Variants in PARP14 observed in about 807,000 individuals in gnomAD.
The protein encoded by PARP14 is protein mono-ADP-ribosyltransferase PARP14.
PARP14 carries 59 observed loss-of-function variants against 154.2 expected under a neutral mutation model. The observed-to-expected ratio is 0.38, with a 90% CI of 0.31 to 0.48. The LOEUF (loss-of-function observed/expected upper bound fraction) is 0.48. Among genes scored for constraint, PARP14 ranks in the 20% least tolerant of loss-of-function variants. PARP14 has a pLI of 0.98. For missense variants in PARP14, 1,734 were observed against 2,131.6 expected, an observed-to-expected ratio of 0.81 and a Z score of 3.67; for synonymous variants, 720 against 780.5, an observed-to-expected ratio of 0.92 and a Z score of 1.29.
rs755568009 is a variant in PARP14, at chr3:122,700,255, T to C, written c.1701T>C (p.Leu567=). The part of the protein sequence containing the change: ...CLFIAQKILA[L]YELEGTTVLL... ...TCATAGCACAGAAGATTCTTGCACT[T>C]TATGAGCTAGAGGGTACAACTGTTC... The change falls in exon 6 of 17, where the codon CTT becomes CTC. Residue 567 remains leucine, a synonymous_variant. Coordinates refer to ENST00000474629, the MANE Select transcript of PARP14 (RefSeq NM_017554.3). The C allele has an allele frequency of 3.7e-6, 6 of 1,612,842 alleles. No homozygotes were observed. Among genetic ancestry groups the C allele is most frequent in the Admixed American group, 1.7e-5 (1 of 59,844 alleles).
At chr3:122,684,001 A>C (rs1938295019) in intron 1 of PARP14, among the ~76,000 whole-genome samples, 1 of 152,138 alleles carries the variant, frequency 6.6e-6, no homozygotes, top group African/African-American at 2.4e-5. Context: ...CCCTCCTCAT[A>C]AAGAGTGAGA....
Position 122,687,080 on chromosome 3 carries a change from G to T in PARP14, c.322G>T (p.Glu108Ter). The change falls in exon 3 of 17, where the codon GAA (glutamate) becomes TAA (stop). Residue 108 changes from glutamate to a stop codon, truncating the protein, a stop_gained and splice_region_variant. Transcript: ENST00000474629. LOFTEE classifies it high-confidence loss of function. Reference sequence around the variant, plus strand: ...TGCTACTTTATTGTTTGTGTTTCAGGAATCCAAGACCAAAGAAGATGTTAA... The same window carrying T: ...TGCTACTTTATTGTTTGTGTTTCAGTAATCCAAGACCAAAGAAGATGTTAA... ...HVFEEELLTK[E>*]SKTKEDVKEP... 1 of 1,586,324 alleles carries T rather than the reference G, an allele frequency of 6.3e-7. No homozygotes were observed. The highest frequency in any genetic ancestry group is 8.6e-7 in the Non-Finnish European group (1 of 1,161,372).
intron 8 of PARP14, among the ~76,000 whole-genome samples, chr3:122,707,045 G>T (rs1939177679): frequency 6.6e-6 from 1 of 152,154 alleles, no homozygotes; most frequent in African/African-American, 2.4e-5. Context: ...GTTCATTGTA[G>T]AAACTTTGAA....
In PARP14 at chr3:122,718,705, T is replaced by C. The variant is rs369715167; in HGVS notation, c.4554T>C (p.Val1518=). ...AAATTGAGGCGATGATCAAGAGAGT[T>C]CGATTGGCCAAAGAACAGGAATCCC... ...RDEIEAMIKR[V]RLAKEQESRA... is the part of the protein sequence containing the mutation. The change falls in exon 14 of 17, where the codon GTT becomes GTC. Residue 1518 remains valine, a synonymous_variant. Coordinates refer to ENST00000474629, the MANE Select transcript of PARP14 (RefSeq NM_017554.3). 4 of 1,613,532 alleles carry C rather than the reference T, an allele frequency of 2.5e-6. No individual in the cohort carries two copies. In the African/African-American group the frequency reaches 5.3e-5, roughly 22 times the overall value.
chr3:122,717,175 C>G (rs1329468908), intron 12 of PARP14, among the ~76,000 whole-genome samples: 22 of 152,208 alleles, frequency 1.4e-4, no homozygotes. Flanking sequence ...TCAAAGAAGC[C>G]TACTCTTCTT....
intron 5 of PARP14, among the ~76,000 whole-genome samples, chr3:122,698,438 G>A (rs1365740496): frequency 1.3e-5 from 2 of 152,186 alleles, no homozygotes; most frequent in East Asian, 1.9e-4. Flanking sequence ...GTGGAAAAGG[G>A]AGATTCCAGC....
chr3:122,685,749 C>T (rs1305005208), intron 2 of PARP14, among the ~76,000 whole-genome samples: 1 of 151,990 alleles, frequency 6.6e-6, no homozygotes, highest in Non-Finnish European at 1.5e-5. Flanking sequence ...ACCTCATGAT[C>T]GGCCCACCTA....
At position 122,701,129 on chromosome 3, in the gene PARP14, C is replaced by T. The variant is rs1938956968; in HGVS notation, c.2575C>T (p.Leu859Phe). The T allele has an allele frequency of 1.2e-6, 2 of 1,613,862 alleles. No individual in the cohort carries two copies. The highest frequency in any genetic ancestry group is 1.7e-5 in the Admixed American group (1 of 60,004). Residue 859 changes from leucine to phenylalanine, a missense_variant, in exon 6 of 17, where the codon CTC becomes TTC. This residue lies in a region of PARP14 where 1,646 missense variants were observed against 1,976.0 expected (regional missense o/e 0.83). Transcript: ENST00000474629. The surrounding 1 kb of genome is among the most constrained non-coding windows in gnomAD (Gnocchi z 4.0). The stretch of plus-strand genomic sequence containing the variant: ...CCAGATAGTGAAGAGAGAGGGCAGA[C>T]TCCTACCGGGCAATGCCACCATCTC... ...CDQIVKREGR[L>F]LPGNATISKA... is the part of the protein sequence containing the mutation.
intron 15 of PARP14, chr3:122,721,114 A>T: frequency 3.0e-6 from 1 of 330,508 alleles, no homozygotes; most frequent in Non-Finnish European, 5.9e-6. Context: ...CCAAACCCCT[A>T]ATTCTAGCTT....
At chr3:122,684,228 C>A (rs554331587) in intron 1 of PARP14, among the ~76,000 whole-genome samples, 2 of 152,330 alleles carry the variant, frequency 1.3e-5, no homozygotes, top group African/African-American at 4.8e-5. Flanking sequence ...TAGAGCTACA[C>A]CTGTGACCTG....
intron 4 of PARP14, 70 bp downstream of exon 4, chr3:122,692,613 G>A (rs1938577684): frequency 3.8e-6 from 5 of 1,303,996 alleles, no homozygotes; most frequent in African/African-American, 1.5e-5. Flanking sequence ...ATACCTCTTA[G>A]GGGGACATCT....
chr3:122,691,016 C>A (rs1276746551), intron 3 of PARP14, among the ~76,000 whole-genome samples: 1 of 152,130 alleles, frequency 6.6e-6, no homozygotes, highest in Non-Finnish European at 1.5e-5. Context: ...TTGGCCAGGC[C>A]TGAAGGTGGA....
Position 122,718,654 on chromosome 3 carries a change from CA to C in PARP14, c.4504del (p.Arg1502GlufsTer3). 6.2e-7 allele frequency: 1 copy of C among 1,613,812 alleles called. No homozygotes were observed. Among genetic ancestry groups the C allele is most frequent in the Non-Finnish European group, 8.5e-7 (1 of 1,179,804 alleles). On this transcript the variant is annotated frameshift_variant, in exon 14 of 17. Coordinates refer to ENST00000474629, the MANE Select transcript of PARP14 (RefSeq NM_017554.3). LOFTEE classifies it high-confidence loss of function. ...RPLIKVLGIS[R>X]DVMQARDEIE... ...CTTTGATTAAGGTTTTGGGAATTAGCAGAGATGTGATGCAGGCTAGAGATGA... is the reference window on the plus strand; with the variant it reads ...CTTTGATTAAGGTTTTGGGAATTAGCGAGATGTGATGCAGGCTAGAGATGA...
chr3:122,692,635 A>C, intron 4 of PARP14, 92 bp downstream of exon 4: 2 of 1,114,502 alleles, frequency 1.8e-6, no homozygotes, highest in East Asian at 2.5e-5. Context: ...TGAAAGTTTG[A>C]CTCTTTCTAG....
chr3:122,689,066 G>A lies in PARP14; in HGVS notation c.355+1953G>A, dbSNP rs75115064. Among the ~76,000 whole-genome samples, 1,485 of 152,238 alleles carry A rather than the reference G, an allele frequency of 9.8e-3. 24 individuals are homozygous for A. The highest frequency in any genetic ancestry group is 0.034 in the African/African-American group (1,427 of 41,530). On this transcript the variant is annotated intron_variant, in intron 3 of 16. Transcript: ENST00000474629. ...AGAGAAATACTGCTTACCTGTGGTC[G>A]GAAATTCTGGTGTTTTCAAATCCAT... is the stretch of plus-strand genomic sequence containing the variant.
At chr3:122,709,413 C>T (rs970344551) in intron 9 of PARP14, among the ~76,000 whole-genome samples, 2 of 152,108 alleles carry the variant, frequency 1.3e-5, no homozygotes, top group Non-Finnish European at 2.9e-5. Context: ...AAGAGTATTC[C>T]ATAGTGTATA....
rs77413127 is a variant in PARP14, at chr3:122,683,376, C to T, written c.188-1809C>T. ...AGGCAGATAACAAGAATGAGCCCAC[C>T]AGCACTTCTCCGTATTTATTCATGT... is the stretch of plus-strand genomic sequence containing the variant. On this transcript the variant is annotated intron_variant, in intron 1 of 16. Transcript: ENST00000474629. 7.8e-3 allele frequency: 4,469 copies of T among 570,782 alleles called. 184 individuals are homozygous for T. The African/African-American group carries it at 0.085, about 11-fold the overall frequency. The allele number at this position is 570,782 out of a possible 1,614,324, so 35.4% of individuals were successfully genotyped here.
At chr3:122,714,204 A>G in intron 11 of PARP14, 58 bp from the exon 12 acceptor site, 1 of 1,444,186 alleles carries the variant, frequency 6.9e-7, no homozygotes, top group Non-Finnish European at 9.3e-7. Flanking sequence ...TTTGCTTTCT[A>G]AACAAATGAC....
chr3:122,719,505 C>T (rs889858005), intron 14 of PARP14, among the ~76,000 whole-genome samples: 14 of 152,304 alleles, frequency 9.2e-5, no homozygotes, highest in African/African-American at 3.4e-4. Context: ...GATTCTCTGA[C>T]CAGACCTACT....
Sources: gnomAD v4.1 joint callset for allele counts (sites outside exome capture counted in the v4.1 genomes callset) on GRCh38, gnomAD v4.1.1 for gene constraint, gnomAD v4.1.1 regional missense constraint, Gnocchi (gnomAD v3.1) non-coding constraint, MANE v1.5 for transcripts, NCBI Gene and HGNC (gene_info 2026-07-23, HGNC 2026-07-21) for gene names.